SORCS3: variants seen among roughly 807,000 people sequenced by gnomAD.
SORCS3 encodes sortilin related VPS10 domain containing receptor 3.
SORCS3 carries 57 observed loss-of-function variants against 146.3 expected under a neutral mutation model. The observed-to-expected ratio is 0.39, with a 90% CI of 0.31 to 0.49. The LOEUF (loss-of-function observed/expected upper bound fraction) is 0.49, where lower values mean the gene tolerates loss of function less well. Among genes scored for constraint, SORCS3 ranks in the 20% least tolerant of loss-of-function variants. The probability of loss-of-function intolerance (pLI) is 0.92; values close to 1 mark genes in which losing one functional copy is unlikely to be tolerated. For synonymous variants in SORCS3, 653 were observed against 618.5 expected (o/e 1.06, Z -0.83); for missense variants, 1,341 against 1,575.5 (o/e 0.85, Z 2.52).
At chr10:105,134,307 C>T (rs61702932) in intron 7 of SORCS3, among the ~76,000 whole-genome samples, 4,235 of 152,178 alleles carry the variant, frequency 0.028, 100 homozygotes, top group East Asian at 0.15. Flanking sequence ...GGTAGATGTA[C>T]TCAATTAATG....
chr10:105,237,619 G>A (rs2056800088), intron 20 of SORCS3, among the ~76,000 whole-genome samples: 1 of 152,162 alleles, frequency 6.6e-6, no homozygotes, highest in Admixed American at 6.5e-5. Flanking sequence ...GATCCAGTGA[G>A]CACTATATTT....
intron 16 of SORCS3, among the ~76,000 whole-genome samples, chr10:105,201,477 A>G (rs1011991842): frequency 6.6e-6 from 1 of 152,178 alleles, no homozygotes; most frequent in Non-Finnish European, 1.5e-5. Flanking sequence ...TCACTGATCT[A>G]TCAGAGCAGC....
At chr10:104,945,788 C>A (rs1242050328) in intron 3 of SORCS3, among the ~76,000 whole-genome samples, 1 of 146,612 alleles carries the variant, frequency 6.8e-6, no homozygotes. Flanking sequence ...ACAATACCAA[C>A]TTTTTTTTTT....
chr10:105,158,864 A>G, intron 10 of SORCS3, 28 bp from the exon 11 acceptor site: 3 of 1,570,994 alleles, frequency 1.9e-6, no homozygotes, highest in Non-Finnish European at 2.6e-6. Context: ...AATTTCCTAG[A>G]ATGAAACTAT....
intron 19 of SORCS3, among the ~76,000 whole-genome samples, chr10:105,222,301 AC>A (rs1275454461): frequency 6.6e-6 from 1 of 151,718 alleles, no homozygotes; most frequent in Non-Finnish European, 1.5e-5. Context: ...CAGGTGATCC[AC>A]CCACCTCAGC....
intron 6 of SORCS3, among the ~76,000 whole-genome samples, chr10:105,091,494 C>T (rs1048404589): frequency 8.1e-6 from 1 of 123,936 alleles, no homozygotes; most frequent in Non-Finnish European, 1.8e-5. Context: ...TCCTTCCCTC[C>T]TTCCTTCCTT....
At chr10:104,772,450 G>A (rs2017260226) in intron 1 of SORCS3, among the ~76,000 whole-genome samples, 1 of 152,190 alleles carries the variant, frequency 6.6e-6, no homozygotes, top group Admixed American at 6.5e-5. Flanking sequence ...AATTCCACCA[G>A]GTTGGCTGCA....
At chr10:105,112,231 T>G (rs891500785) in intron 7 of SORCS3, among the ~76,000 whole-genome samples, 1 of 150,066 alleles carries the variant, frequency 6.7e-6, no homozygotes, top group Non-Finnish European at 1.5e-5. Context: ...TGTTTTATTT[T>G]GTGTGTGTAT....
chr10:104,929,119 G>C (rs969772884), intron 3 of SORCS3, among the ~76,000 whole-genome samples: 7 of 152,248 alleles, frequency 4.6e-5, no homozygotes, highest in African/African-American at 1.7e-4. Flanking sequence ...TGCAGCTCAT[G>C]CTTCAGTTGC....
At chr10:105,112,894 A>G (rs1005804459) in intron 7 of SORCS3, among the ~76,000 whole-genome samples, 1 of 152,160 alleles carries the variant, frequency 6.6e-6, no homozygotes, top group African/African-American at 2.4e-5. Context: ...TCGAACTTTT[A>G]AAAGTATTGA....
intron 18 of SORCS3, among the ~76,000 whole-genome samples, chr10:105,215,863 C>G (rs552944196): frequency 6.6e-6 from 1 of 151,916 alleles, no homozygotes; most frequent in Admixed American, 6.6e-5. Context: ...GTATTTCTCT[C>G]TTTATTCTAT....
At chr10:104,991,409 T>G (rs1730619636) in intron 4 of SORCS3, among the ~76,000 whole-genome samples, 1 of 152,098 alleles carries the variant, frequency 6.6e-6, no homozygotes, top group African/African-American at 2.4e-5. Context: ...GGCCAGCTTC[T>G]CTCTGCATCT....
At chr10:104,844,294 G>T (rs1182522844) in intron 2 of SORCS3, among the ~76,000 whole-genome samples, 3 of 152,158 alleles carry the variant, frequency 2.0e-5, no homozygotes, top group Non-Finnish European at 4.4e-5. Flanking sequence ...CAATGATGCT[G>T]TGTGATACTT....
chr10:105,097,694 TATAGAGTA>T (rs1390958052), intron 6 of SORCS3, among the ~76,000 whole-genome samples: 2 of 152,174 alleles, frequency 1.3e-5, no homozygotes, highest in Non-Finnish European at 2.9e-5. Flanking sequence ...ATGATCTTGT[TATAGAGTA>T]AAATTGTCAA....
At position 104,641,744 on chromosome 10, in the gene SORCS3, C is replaced by A. The variant is rs1260407419; in HGVS notation, c.417C>A (p.Thr139=). The change falls in exon 1 of 27, where the codon ACC becomes ACA. Residue 139 remains threonine (T), a synonymous_variant. Transcript: ENST00000369701. The surrounding 1 kb of genome is among the most constrained non-coding windows in gnomAD (Gnocchi z 6.4). ...GTCGCCGGGCGCAGCCCCCAATCAC[C>A]CAGGAACGCGGGGACGCCTGGGCCA... ...RRSRRAQPPI[T]QERGDAWATA... 3 of 1,545,778 alleles carry A rather than the reference C, an allele frequency of 1.9e-6. No homozygotes were observed. Among genetic ancestry groups the A allele is most frequent in the Admixed American group, 3.9e-5 (2 of 50,850 alleles).
intron 1 of SORCS3, among the ~76,000 whole-genome samples, chr10:104,723,143 G>A (rs1469646646): frequency 1.3e-5 from 2 of 152,166 alleles, no homozygotes; most frequent in African/African-American, 4.8e-5. Context: ...TCTACACACT[G>A]CTTTGAATGT....
chr10:105,019,475 C>G (rs895073908), intron 4 of SORCS3, among the ~76,000 whole-genome samples: 1 of 152,108 alleles, frequency 6.6e-6, no homozygotes, highest in African/African-American at 2.4e-5. Context: ...CATTTGCTAG[C>G]CTTCCTCTTT....
At chr10:104,883,114 C>T (rs1312881411) in intron 2 of SORCS3, among the ~76,000 whole-genome samples, 1 of 152,150 alleles carries the variant, frequency 6.6e-6, no homozygotes, top group Non-Finnish European at 1.5e-5. Context: ...GGGAAGATTC[C>T]TGAACTTCAC....
intron 1 of SORCS3, among the ~76,000 whole-genome samples, chr10:104,756,224 CA>C (rs2017049004): frequency 6.6e-6 from 1 of 152,032 alleles, no homozygotes; most frequent in South Asian, 2.1e-4. Flanking sequence ...AGCTGTTTAC[CA>C]AGGATTTACT....
Sources: allele counts gnomAD v4.1 joint callset (sites outside exome capture counted in the v4.1 genomes callset), GRCh38; gene constraint gnomAD v4.1.1; non-coding constraint Gnocchi (gnomAD v3.1); transcripts MANE v1.5; gene names NCBI Gene and HGNC (gene_info 2026-07-23, HGNC 2026-07-21).